CRK: variants seen among roughly 807,000 people sequenced by gnomAD.
CRK encodes CRK proto-oncogene, adaptor protein, also known as adapter molecule crk.
CRK carries 4 observed loss-of-function variants against 29.8 expected under a neutral mutation model. The ratio of observed to expected loss-of-function variants is 0.13; its 90% confidence interval spans 0.07 to 0.31. CRK has a LOEUF of 0.31. Among genes scored for constraint, CRK ranks in the 10% least tolerant of loss-of-function variants. The pLI, the probability that CRK is intolerant of heterozygous loss-of-function variation, is 1.00. For missense variants in CRK, 274 were observed against 396.5 expected (o/e 0.69, Z 2.62); for synonymous variants, 153 against 164.9 (o/e 0.93, Z 0.55).
At position 1,421,202 on chromosome 17, in the gene CRK, A is replaced by T. The variant is rs1327558376; in HGVS notation, c.*2311T>A. On this transcript the variant is annotated 3_prime_UTR_variant, in exon 3 of 3. Coordinates refer to ENST00000300574, the MANE Select transcript of CRK (RefSeq NM_016823.4). Reference sequence around the variant, plus strand: ...AACGGCCCTGGATCACTGATCACTGAGGAATCCTTAGGACTTGAGTAGCGC... The same window carrying T: ...AACGGCCCTGGATCACTGATCACTGTGGAATCCTTAGGACTTGAGTAGCGC... The T allele has an allele frequency of 1.3e-5, 2 of 152,230 alleles. No individual in the cohort carries two copies. 9.4% of individuals were successfully genotyped at this position (152,230 alleles called of 1,614,324 possible).
At chr17:1,423,868 A>G (rs1421333616) in intron 2 of CRK, among the ~76,000 whole-genome samples, 1 of 152,208 alleles carries the variant, frequency 6.6e-6, no homozygotes, top group Non-Finnish European at 1.5e-5. Context: ...AAAACAGAGA[A>G]TACAGAAAGT....
At chr17:1,449,257 G>A (rs979995741) in intron 1 of CRK, among the ~76,000 whole-genome samples, 3 of 152,144 alleles carry the variant, frequency 2.0e-5, no homozygotes, top group Admixed American at 1.3e-4. Flanking sequence ...TCACACTTAC[G>A]GATGCACTCC....
In CRK at chr17:1,443,042, G is replaced by C. The variant is rs1042609191; in HGVS notation, c.242-5887C>G. Reference sequence around the variant, plus strand: ...TGCCCAGGCTGGAGTGCAGTGGTGCGATCCTGGCTCACTGCAACCTCTCTC... The same window carrying C: ...TGCCCAGGCTGGAGTGCAGTGGTGCCATCCTGGCTCACTGCAACCTCTCTC... On this transcript the variant is annotated intron_variant, in intron 1 of 2. Transcript: ENST00000300574. Among the ~76,000 whole-genome samples the C allele has an allele frequency of 2.7e-5, 4 of 149,852 alleles. No individual in the cohort carries two copies. In the East Asian group the frequency reaches 7.8e-4, roughly 29 times the overall value.
rs551710020 is a variant in CRK at position 1,449,674 on chromosome 17, CAA to C, written c.241+6201_241+6202del. ...TGTCAACCTGAAAGGTTTAGCTGTTCAAGAGAAAAAAAACTAGTTTCTTGCAA... is the reference window on the plus strand; with the variant it reads ...TGTCAACCTGAAAGGTTTAGCTGTTCGAGAAAAAAAACTAGTTTCTTGCAA... On this transcript the variant is annotated intron_variant, in intron 1 of 2. Coordinates refer to ENST00000300574, the MANE Select transcript of CRK (RefSeq NM_016823.4). 1.6e-3 allele frequency among the ~76,000 whole-genome samples: 247 copies of C among 152,144 alleles called. 1 individual carries two copies. The highest frequency in any genetic ancestry group is 5.5e-3 in the African/African-American group (229 of 41,496).
intron 2 of CRK, among the ~76,000 whole-genome samples, chr17:1,432,776 CAAA>C (rs11453666): frequency 5.0e-5 from 4 of 80,036 alleles, no homozygotes; most frequent in Admixed American, 1.3e-4. Context: ...GACTCCGTCT[CAAA>C]AAAAAAAAAA....
intron 1 of CRK, among the ~76,000 whole-genome samples, chr17:1,451,174 C>CA (rs1274193696): frequency 1.9e-5 from 2 of 106,030 alleles, no homozygotes; most frequent in African/African-American, 7.9e-5. Flanking sequence ...GCCTCGGTGA[C>CA]AGAGCGAGAA....
intron 2 of CRK, among the ~76,000 whole-genome samples, chr17:1,431,986 A>C (rs2073848439): frequency 6.6e-6 from 1 of 152,242 alleles, no homozygotes; most frequent in African/African-American, 2.4e-5. Context: ...CAAAGACTTC[A>C]TACAGGACTT....
chr17:1,442,297 G>A (rs1416345968), intron 1 of CRK, among the ~76,000 whole-genome samples: 1 of 151,766 alleles, frequency 6.6e-6, no homozygotes, highest in Non-Finnish European at 1.5e-5. Flanking sequence ...TGGGACTATA[G>A]GCGCACACCA....
At chr17:1,434,358 G>A (rs1256254204) in intron 2 of CRK, among the ~76,000 whole-genome samples, 3 of 152,142 alleles carry the variant, frequency 2.0e-5, no homozygotes. Flanking sequence ...TGGGAGATAG[G>A]CCTTACCCTG....
In CRK at chr17:1,422,682, C is replaced by G. The variant is rs193240256; in HGVS notation, c.*831G>C. The stretch of plus-strand genomic sequence containing the variant: ...CTCTGGAGAAATGGCCCTGCTGGAT[C>G]CCATTAGTTAGGACTCTAGTTAGCT... On this transcript the variant is annotated 3_prime_UTR_variant, in exon 3 of 3. Transcript: ENST00000300574. The G allele has an allele frequency of 3.2e-5, 11 of 347,406 alleles. No homozygotes were observed. Among genetic ancestry groups the G allele is most frequent in the Admixed American group, 1.4e-4 (3 of 21,070 alleles). 21.5% of individuals were successfully genotyped at this position (347,406 alleles called of 1,614,324 possible). A position where few individuals can be genotyped will look rare whatever the true frequency, so the allele number is the denominator to read the frequency against.
chr17:1,454,183 C>CA (rs1567503571), intron 1 of CRK, among the ~76,000 whole-genome samples: 1 of 151,964 alleles, frequency 6.6e-6, no homozygotes, highest in African/African-American at 2.4e-5. Context: ...GCCTGGGCGA[C>CA]AGAGAGACTC....
chr17:1,446,425 C>G (rs920521039), intron 1 of CRK, among the ~76,000 whole-genome samples: 1 of 151,996 alleles, frequency 6.6e-6, no homozygotes, highest in Non-Finnish European at 1.5e-5. Flanking sequence ...GCAGGCCGAG[C>G]GAAATACATT....
At chr17:1,434,674 T>G (rs1032977825) in intron 2 of CRK, among the ~76,000 whole-genome samples, 3 of 151,204 alleles carry the variant, frequency 2.0e-5, no homozygotes, top group Non-Finnish European at 4.4e-5. Flanking sequence ...TCCCAACTAC[T>G]CAGGAGACTG....
rs60236552 is a variant in CRK at position 1,433,509 on chromosome 17, CTTTTTTTTTTTTTTTT to C, written c.777+3095_777+3110del. Among the ~76,000 whole-genome samples the C allele has an allele frequency of 5.1e-5, 3 of 58,608 alleles. No homozygotes were observed. The South Asian group carries it at 2.6e-3, about 51-fold the overall frequency. The allele number at this position is 58,608 out of a possible 152,430, so 38.4% of individuals were successfully genotyped here. A position where few individuals can be genotyped will look rare whatever the true frequency, so the allele number is the denominator to read the frequency against. ...CACAGGTGCACACCACCACGCCTGG[CTTTTTTTTTTTTTTTT>C]TTTTTTTTTTGAGATGGAGTTTCAC... On this transcript the variant is annotated intron_variant, in intron 2 of 2. Transcript: ENST00000300574.
Position 1,437,083 on chromosome 17 carries a change from T to C in CRK, c.314A>G (p.Lys105Arg). 2 of 1,614,186 alleles carry C rather than the reference T, an allele frequency of 1.2e-6. No individual in the cohort carries two copies. The highest frequency in any genetic ancestry group is 2.2e-5 in the East Asian group (1 of 44,888). ...DSLPALLEFY[K>R]IHYLDTTTLI... ...CGTTGTAGTGTCCAAATAGTGTATT[T>C]TGTAGAATTCCAGTAAAGCAGGCAA... The change falls in exon 2 of 3, where the codon AAA (lysine) becomes AGA (arginine). Residue 105 changes from lysine (K) to arginine (R), a missense_variant. Coordinates refer to ENST00000300574, the MANE Select transcript of CRK (RefSeq NM_016823.4).
At chr17:1,431,418 A>G (rs969442285) in intron 2 of CRK, among the ~76,000 whole-genome samples, 14 of 152,108 alleles carry the variant, frequency 9.2e-5, no homozygotes, top group Non-Finnish European at 1.5e-5. Context: ...CAAAGATCAG[A>G]TCAGGGAAGG....
intron 1 of CRK, among the ~76,000 whole-genome samples, chr17:1,441,638 C>A (rs890042126): frequency 6.7e-6 from 1 of 149,148 alleles, no homozygotes; most frequent in Admixed American, 6.7e-5. Context: ...ACTACAGGCC[C>A]GCGCCACCAC....
intron 2 of CRK, among the ~76,000 whole-genome samples, chr17:1,427,535 G>C (rs1200881337): frequency 6.6e-6 from 1 of 151,996 alleles, no homozygotes; most frequent in Non-Finnish European, 1.5e-5. Flanking sequence ...GGAGCTTGCA[G>C]TGAGCCGAGA....
chr17:1,425,163 C>G (rs894180883), intron 2 of CRK, among the ~76,000 whole-genome samples: 3 of 151,800 alleles, frequency 2.0e-5, no homozygotes, highest in African/African-American at 7.3e-5. Flanking sequence ...TATCTCAGCT[C>G]ACTGCAAGCT....
Sources: gnomAD v4.1 joint callset for allele counts (sites outside exome capture counted in the v4.1 genomes callset) on GRCh38, gnomAD v4.1.1 for gene constraint, MANE v1.5 for transcripts, NCBI Gene and HGNC (gene_info 2026-07-23, HGNC 2026-07-21) for gene names.